The following NAV3 variants were observed in gnomAD, a reference collection of about 807,000 sequenced individuals.
NAV3 encodes pore membrane and/or filament interacting like protein 1.
A neutral mutation model predicts 244.7 loss-of-function variants in NAV3; 87 were observed. The observed-to-expected ratio is 0.36, with a 90% CI of 0.30 to 0.42. NAV3 has a LOEUF of 0.42. Among genes scored for constraint, NAV3 ranks in the 20% least tolerant of loss-of-function variants. NAV3 has a pLI of 1.00. For missense variants in NAV3, 2,663 were observed against 2,893.3 expected, an observed-to-expected ratio of 0.92 and a Z score of 1.83; for synonymous variants, 1,126 against 1,042.2, an observed-to-expected ratio of 1.08 and a Z score of -1.55.
intron 1 of NAV3, among the ~76,000 whole-genome samples, chr12:77,917,679 G>C (rs1287532283): frequency 6.6e-6 from 1 of 151,946 alleles, no homozygotes; most frequent in Non-Finnish European, 1.5e-5. Context: ...TGGAACTAAT[G>C]GAAGGTTAAA....
intron 2 of NAV3, among the ~76,000 whole-genome samples, chr12:77,707,077 T>C (rs976089995): frequency 2.0e-5 from 3 of 151,088 alleles, no homozygotes; most frequent in Non-Finnish European, 4.4e-5. Context: ...TTCTTTCTTT[T>C]TTTTTAATTA....
At chr12:78,068,626 T>C (rs1255258420) in intron 12 of NAV3, among the ~76,000 whole-genome samples, 2 of 147,492 alleles carry the variant, frequency 1.4e-5, no homozygotes, top group Non-Finnish European at 3.0e-5. Context: ...TATATAATTA[T>C]ATATAATTAC....
chr12:77,572,067 T>C (rs1434731704), exon 2 of NAV3: 1 of 154,270 alleles, frequency 6.5e-6, no homozygotes, highest in Admixed American at 6.5e-5. Flanking sequence ...TTCCTTGGAG[T>C]CGATGAAGTT....
At chr12:77,868,256 G>A (rs148432479) in intron 1 of NAV3, among the ~76,000 whole-genome samples, 124 of 152,074 alleles carry the variant, frequency 8.2e-4, no homozygotes, top group African/African-American at 2.8e-3. Flanking sequence ...ACCCTTCCAT[G>A]AAACTTGGTT....
chr12:77,588,546 AT>A (rs1869751147), intron 2 of NAV3, among the ~76,000 whole-genome samples: 1 of 152,074 alleles, frequency 6.6e-6, no homozygotes, highest in Admixed American at 6.6e-5. Context: ...CTGATGTTGC[AT>A]TTTTCATGGA....
rs1955566206 is a variant in NAV3, at chr12:78,119,372, C to G, written c.3176C>G (p.Ser1059Trp). 6.2e-7 allele frequency: 1 copy of G among 1,614,138 alleles called. No homozygotes were observed. The highest frequency in any genetic ancestry group is 8.5e-7 in the Non-Finnish European group (1 of 1,180,020). ...GKKPPSGIGR[S>W]TATSSFGFKK... Reference sequence around the variant, plus strand: ...AAGCCCCCCTCAGGCATTGGAAGATCGACTGCCACCAGCTCCTTTGGCTTT... The same window carrying G: ...AAGCCCCCCTCAGGCATTGGAAGATGGACTGCCACCAGCTCCTTTGGCTTT... The change falls in exon 15 of 40, where the codon TCG (serine) becomes TGG (tryptophan). Residue 1059 changes from serine (S) to tryptophan (W), a missense_variant. Ser to Trp is a radical substitution (Grantham distance 177). This residue lies in a region of NAV3 where 1,521 missense variants were observed against 1,497.0 expected (regional missense o/e 1.02). Coordinates refer to ENST00000397909, the MANE Select transcript of NAV3 (RefSeq NM_001024383.2).
At chr12:78,146,417 TAATA>T in intron 21 of NAV3, 25 bp downstream of exon 21, 1 of 1,007,054 alleles carries the variant, frequency 9.9e-7, no homozygotes, top group Non-Finnish European at 1.4e-6. Context: ...TGCAATATTT[TAATA>T]TTTTCTATTT....
intron 19 of NAV3, among the ~76,000 whole-genome samples, chr12:78,139,223 T>C (rs1163747404): frequency 6.6e-6 from 1 of 152,128 alleles, no homozygotes; most frequent in Non-Finnish European, 1.5e-5. Flanking sequence ...ATACTCAGTT[T>C]TAAAAAGGTT....
chr12:77,886,976 A>C (rs1203297846), intron 1 of NAV3, among the ~76,000 whole-genome samples: 1 of 152,154 alleles, frequency 6.6e-6, no homozygotes, highest in Non-Finnish European at 1.5e-5. Flanking sequence ...GGACTTTGAC[A>C]ACAGTTTTTC....
Position 78,205,068 on chromosome 12 carries a change from G to C in NAV3, c.6968G>C (p.Ser2323Thr), listed in dbSNP as rs768031312. 1 of 1,613,492 alleles carries C rather than the reference G, an allele frequency of 6.2e-7. No individual in the cohort carries two copies. Among genetic ancestry groups the C allele is most frequent in the South Asian group, 1.1e-5 (1 of 91,066 alleles). The change falls in exon 39 of 40, where the codon AGC becomes ACC. Residue 2323 changes from serine to threonine, a missense_variant. This residue lies in a region of NAV3 where 543 missense variants were observed against 672.4 expected (regional missense o/e 0.81). Coordinates refer to ENST00000397909, the MANE Select transcript of NAV3 (RefSeq NM_001024383.2). ...CGACCAGAAGATGTTGGGTATGAAA[G>C]CTGCACATCCACTAAGGAAGCCACA... ...QLRPEDVGYESCTSTKEATTS... is the reference protein window; with the variant it reads ...QLRPEDVGYETCTSTKEATTS...
intron 2 of NAV3, among the ~76,000 whole-genome samples, chr12:77,590,668 G>A (rs543385707): frequency 2.7e-4 from 41 of 152,264 alleles, no homozygotes; most frequent in Non-Finnish European, 4.4e-4. Context: ...TTAAAGACCC[G>A]CACACTTGTG....
intron 24 of NAV3, among the ~76,000 whole-genome samples, chr12:78,170,467 C>T (rs952042296): frequency 4.0e-5 from 6 of 151,682 alleles, no homozygotes; most frequent in Non-Finnish European, 8.9e-5. Context: ...TCTTCTTAAT[C>T]TTATCCTGCT....
intron 1 of NAV3, among the ~76,000 whole-genome samples, chr12:77,845,724 G>A (rs1291516282): frequency 2.0e-5 from 3 of 149,828 alleles, no homozygotes; most frequent in African/African-American, 7.4e-5. Context: ...CACGATCTTG[G>A]CTCCCTGCAA....
chr12:77,658,692 T>C (rs891425714), intron 2 of NAV3, among the ~76,000 whole-genome samples: 4 of 152,084 alleles, frequency 2.6e-5, no homozygotes, highest in Non-Finnish European at 5.9e-5. Flanking sequence ...GGCATCACGC[T>C]ACCTGACTTC....
intron 9 of NAV3, among the ~76,000 whole-genome samples, chr12:78,028,324 T>C (rs139092350): frequency 1.3e-5 from 2 of 152,302 alleles, no homozygotes; most frequent in East Asian, 3.9e-4. Flanking sequence ...AGGCTGGTTG[T>C]GGAAATTTAA....
chr12:78,198,927 A>G (rs1421389858), intron 36 of NAV3: 1 of 464,686 alleles, frequency 2.2e-6, no homozygotes, highest in Non-Finnish European at 3.9e-6. Flanking sequence ...ACAAAAAAAA[A>G]AAAAAAGGAA....
chr12:77,859,785 A>G (rs1878977057), intron 1 of NAV3, among the ~76,000 whole-genome samples: 1 of 146,706 alleles, frequency 6.8e-6, no homozygotes, highest in African/African-American at 2.5e-5. Context: ...AAAAAAGACT[A>G]AATTGATAAT....
At chr12:77,824,894 A>AAC (rs1565828310) in intron 2 of NAV3, among the ~76,000 whole-genome samples, 170 of 150,484 alleles carry the variant, frequency 1.1e-3, no homozygotes, top group African/African-American at 3.8e-3. Context: ...TCCGTCTCAA[A>AAC]AACAACAACA....
At chr12:77,698,052 G>A (rs1384166601) in intron 2 of NAV3, among the ~76,000 whole-genome samples, 1 of 151,988 alleles carries the variant, frequency 6.6e-6, no homozygotes, top group Non-Finnish European at 1.5e-5. Flanking sequence ...ATAAAGGGAT[G>A]ACAAAATAAA....
Sources: gnomAD v4.1 joint callset for allele counts (sites outside exome capture counted in the v4.1 genomes callset) on GRCh38, gnomAD v4.1.1 for gene constraint, gnomAD v4.1.1 regional missense constraint, MANE v1.5 for transcripts, NCBI Gene and HGNC (gene_info 2026-07-23, HGNC 2026-07-21) for gene names.